Variants in TECRL observed in about 807,000 individuals in gnomAD.
The protein encoded by TECRL is trans-2,3-enoyl-CoA reductase like, also known as trans-2,3-enoyl-CoA reductase-like.
In TECRL, 63 loss-of-function variants were observed where a neutral mutation model predicts 52.8. The ratio of observed to expected loss-of-function variants is 1.19; its 90% CI spans 0.97 to 1.47. The LOEUF is 1.47. TECRL is among the 40% of genes most tolerant of loss of function. The probability of loss-of-function intolerance (pLI) is 0.00; values close to 1 mark genes in which losing one functional copy is unlikely to be tolerated. For synonymous variants in TECRL, 164 were observed against 141.9 expected (o/e 1.16, Z -1.10); for missense variants, 482 against 429.6 (o/e 1.12, Z -1.08).
chr4:64,370,721 A>G (rs927218139), intron 2 of TECRL, among the ~76,000 whole-genome samples: 10 of 151,742 alleles, frequency 6.6e-5, no homozygotes, highest in Non-Finnish European at 1.5e-5. Context: ...TAGAAACCCT[A>G]AAAAGTATTT....
intron 2 of TECRL, among the ~76,000 whole-genome samples, chr4:64,332,469 AT>A (rs1718712459): frequency 6.6e-6 from 1 of 152,100 alleles, no homozygotes; most frequent in African/African-American, 2.4e-5. Context: ...TTATCTCTAA[AT>A]TTTTTCATAT....
chr4:64,355,683 T>G lies in TECRL; in HGVS notation c.286+19489A>C, dbSNP rs1311499553. Among the ~76,000 whole-genome samples, 4 of 151,056 alleles carry G rather than the reference T, an allele frequency of 2.6e-5. No individual in the cohort carries two copies. The South Asian group carries it at 8.4e-4, about 32-fold the overall frequency. On this transcript the variant is annotated intron_variant, in intron 2 of 11. Transcript: ENST00000381210. ...CGGGCATGGTGTCAGGCACCTGTAG[T>G]CCCAGCTACTTGGGAGGCTGAGAAT...
In TECRL at chr4:64,313,165, G is replaced by A. The variant is rs142979971; in HGVS notation, c.551+1483C>T. On this transcript the variant is annotated intron_variant, in intron 5 of 11. Coordinates refer to ENST00000381210, the MANE Select transcript of TECRL (RefSeq NM_001010874.5). ...GGCTGGAGTACTGTAATTAAAGGTA[G>A]GCAAAACTTGATTCGAGGTAAGAAA... Among the ~76,000 whole-genome samples the A allele has an allele frequency of 5.3e-4, 80 of 152,228 alleles. No individual in the cohort carries two copies. The East Asian group carries it at 0.014, about 27-fold the overall frequency.
chr4:64,367,768 G>A (rs1442336677), intron 2 of TECRL, among the ~76,000 whole-genome samples: 4 of 152,080 alleles, frequency 2.6e-5, no homozygotes, highest in African/African-American at 4.8e-5. Flanking sequence ...GCTAAATAAA[G>A]AGTAGAAATT....
intron 1 of TECRL, among the ~76,000 whole-genome samples, chr4:64,405,899 C>A (rs1046394622): frequency 6.6e-6 from 1 of 151,966 alleles, no homozygotes; most frequent in African/African-American, 2.4e-5. Context: ...TGTTGATATA[C>A]CCAGTAAGAT....
chr4:64,308,088 C>G (rs1216927570), intron 6 of TECRL, among the ~76,000 whole-genome samples: 1 of 152,082 alleles, frequency 6.6e-6, no homozygotes, highest in Non-Finnish European at 1.5e-5. Context: ...CACCTAATGG[C>G]AGTTAGGGTT....
chr4:64,360,024 T>G (rs549566503), intron 2 of TECRL, among the ~76,000 whole-genome samples: 7 of 152,180 alleles, frequency 4.6e-5, no homozygotes, highest in African/African-American at 1.7e-4. Flanking sequence ...GACAAGAAAA[T>G]TGTATTCTTC....
At chr4:64,354,733 T>C (rs1720644883) in intron 2 of TECRL, among the ~76,000 whole-genome samples, 1 of 152,154 alleles carries the variant, frequency 6.6e-6, no homozygotes, top group Non-Finnish European at 1.5e-5. Flanking sequence ...TGATAAAATA[T>C]AAAATAAACT....
rs981811663 is a variant in TECRL, at chr4:64,314,569, C to G, written c.551+79G>C. The G allele has an allele frequency of 9.3e-6, 10 of 1,070,388 alleles. No individual in the cohort carries two copies. In the Admixed American group the frequency reaches 2.0e-4, roughly 22 times the overall value. The allele number at this position is 1,070,388 out of a possible 1,614,324, so 66.3% of individuals were successfully genotyped here. Reference sequence around the variant, plus strand: ...TTAATATTTTACCTGCTTACTAGTTCATCCCCTCCTTAACGTGTATGGTGT... The same window carrying G: ...TTAATATTTTACCTGCTTACTAGTTGATCCCCTCCTTAACGTGTATGGTGT... On this transcript the variant is annotated intron_variant, in intron 5 of 11. Coordinates refer to ENST00000381210, the MANE Select transcript of TECRL (RefSeq NM_001010874.5).
chr4:64,299,752 C>T (rs1723896303), intron 8 of TECRL, among the ~76,000 whole-genome samples: 1 of 150,692 alleles, frequency 6.6e-6, no homozygotes, highest in Admixed American at 6.6e-5. Flanking sequence ...TCAAATAATT[C>T]TAATCAACCT....
rs141850404 is a variant in TECRL, at chr4:64,367,755, T to C, written c.286+7417A>G. On this transcript the variant is annotated intron_variant, in intron 2 of 11. Transcript: ENST00000381210. ...TAAAATTGTTTAAGAATGTATGTAG[T>C]ATGCTAAATAAAGAGTAGAAATTTT... is the stretch of plus-strand genomic sequence containing the variant. Among the ~76,000 whole-genome samples the C allele has an allele frequency of 9.8e-3, 1,493 of 152,252 alleles. 18 individuals carry two copies. The highest frequency in any genetic ancestry group is 0.013 in the Non-Finnish European group (911 of 68,008).
intron 1 of TECRL, among the ~76,000 whole-genome samples, chr4:64,406,995 A>G (rs980809963): frequency 8.1e-6 from 1 of 123,324 alleles, no homozygotes; most frequent in African/African-American, 3.0e-5. Flanking sequence ...CAAATTCAAA[A>G]TGTTAGAAAT....
intron 7 of TECRL, among the ~76,000 whole-genome samples, chr4:64,304,390 C>T (rs2109984849): frequency 6.6e-6 from 1 of 151,962 alleles, no homozygotes; most frequent in Admixed American, 6.6e-5. Context: ...TTGTAATTCT[C>T]TATATTACAA....
intron 1 of TECRL, 47 bp from the exon 2 acceptor site, chr4:64,375,270 G>T (rs766492841): frequency 1.0e-6 from 1 of 1,004,418 alleles, no homozygotes; most frequent in Admixed American, 3.6e-5. Context: ...CTGTTAATTT[G>T]TTTTCTATCC....
intron 2 of TECRL, among the ~76,000 whole-genome samples, chr4:64,333,216 A>G (rs1383309846): frequency 1.3e-5 from 2 of 152,134 alleles, no homozygotes; most frequent in Admixed American, 6.5e-5. Context: ...TATTACCAAC[A>G]AATTAATGGC....
chr4:64,395,244 T>C (rs1427026920), intron 1 of TECRL, among the ~76,000 whole-genome samples: 1 of 152,102 alleles, frequency 6.6e-6, no homozygotes, highest in Non-Finnish European at 1.5e-5. Flanking sequence ...TTAAGCCCTG[T>C]AAATTATGTA....
intron 2 of TECRL, among the ~76,000 whole-genome samples, chr4:64,371,744 T>C (rs1456467755): frequency 1.3e-5 from 2 of 151,814 alleles, no homozygotes; most frequent in Admixed American, 6.6e-5. Flanking sequence ...TCATGCTTAT[T>C]GAAGTTCGTT....
intron 2 of TECRL, among the ~76,000 whole-genome samples, chr4:64,336,016 G>A (rs1370313667): frequency 1.3e-5 from 2 of 151,998 alleles, no homozygotes; most frequent in Admixed American, 6.6e-5. Context: ...TCAGGATGAC[G>A]CTGGCCTCAT....
intron 11 of TECRL, among the ~76,000 whole-genome samples, chr4:64,280,786 CT>C (rs1309815465): frequency 4.6e-5 from 7 of 152,132 alleles, no homozygotes; most frequent in Admixed American, 4.6e-4. Context: ...AAAACTTCTT[CT>C]AAACAAAACT....
Sources: allele counts gnomAD v4.1 joint callset (sites outside exome capture counted in the v4.1 genomes callset), GRCh38; gene constraint gnomAD v4.1.1; transcripts MANE v1.5; gene names NCBI Gene and HGNC (gene_info 2026-07-23, HGNC 2026-07-21).